Variants in OPCML observed in about 807,000 individuals in gnomAD.
The protein encoded by OPCML is opioid-binding protein/cell adhesion molecule.
OPCML carries 13 observed loss-of-function variants against 37.8 expected under a neutral mutation model. That is an observed-to-expected ratio of 0.34 (90% CI 0.22 to 0.55). The LOEUF (loss-of-function observed/expected upper bound fraction) is 0.55. OPCML is among the 20% of genes least tolerant of loss of function. The probability of loss-of-function intolerance (pLI) is 0.91; values close to 1 mark genes in which losing one functional copy is unlikely to be tolerated. For synonymous variants in OPCML, 176 were observed against 168.8 expected (o/e 1.04, Z -0.33); for missense variants, 341 against 435.6 (o/e 0.78, Z 1.93).
chr11:133,277,662 T>A (rs533037221), intron 1 of OPCML, among the ~76,000 whole-genome samples: 1 of 152,210 alleles, frequency 6.6e-6, no homozygotes, highest in South Asian at 2.1e-4. Flanking sequence ...TCCTTTCAGA[T>A]CCAGTACATG....
chr11:132,575,053 C>T (rs2096447207), intron 3 of OPCML, among the ~76,000 whole-genome samples: 1 of 151,942 alleles, frequency 6.6e-6, no homozygotes, highest in Non-Finnish European at 1.5e-5. Context: ...TCAGTGTTAT[C>T]TCATGTAAGT....
In OPCML at chr11:132,621,243, G is replaced by A. The variant is rs555733611; in HGVS notation, c.379+35844C>T. Among the ~76,000 whole-genome samples, 3 of 152,232 alleles carry A rather than the reference G, an allele frequency of 2.0e-5. No individual in the cohort carries two copies. The South Asian group carries it at 6.2e-4, about 32-fold the overall frequency. ...GCTCAACTGTGTTAGAAAACTGTCT[G>A]GTAATTTCTATTAAATCTGAACATG... On this transcript the variant is annotated intron_variant, in intron 3 of 7. Coordinates refer to ENST00000524381, the MANE Select transcript of OPCML (RefSeq NM_001012393.5).
intron 2 of OPCML, among the ~76,000 whole-genome samples, chr11:132,931,310 A>G (rs1945191842): frequency 6.6e-6 from 1 of 152,178 alleles, no homozygotes; most frequent in Admixed American, 6.5e-5. Context: ...AAAAACAAGA[A>G]AAGATAAATT....
chr11:133,026,173 C>T (rs1397461712), intron 1 of OPCML: 7 of 829,884 alleles, frequency 8.4e-6, no homozygotes, highest in Non-Finnish European at 1.0e-5. Flanking sequence ...TTTTAATAGC[C>T]TTAATCACGA....
intron 1 of OPCML, among the ~76,000 whole-genome samples, chr11:133,375,678 G>T (rs1388681470): frequency 1.3e-5 from 2 of 151,964 alleles, no homozygotes; most frequent in African/African-American, 2.4e-5. Flanking sequence ...GTCCTTATTT[G>T]AGCTGCTGCT....
chr11:132,665,153 C>T (rs147253023), intron 2 of OPCML, among the ~76,000 whole-genome samples: 17 of 152,202 alleles, frequency 1.1e-4, no homozygotes, highest in African/African-American at 3.9e-4. Context: ...CACACTAATG[C>T]CTTCAACGTG....
chr11:133,005,718 T>G, intron 1 of OPCML: 1 of 978,010 alleles, frequency 1.0e-6, no homozygotes, highest in Non-Finnish European at 1.2e-6. Context: ...TCTTATCTTT[T>G]CTGTTAATTC....
chr11:132,842,252 C>T (rs934400171), intron 2 of OPCML, among the ~76,000 whole-genome samples: 1 of 152,264 alleles, frequency 6.6e-6, no homozygotes, highest in South Asian at 2.1e-4. Flanking sequence ...TCAAGTCTTC[C>T]TCTCACGCCG....
intron 2 of OPCML, among the ~76,000 whole-genome samples, chr11:132,741,953 C>T (rs1169600598): frequency 3.3e-5 from 5 of 151,576 alleles, no homozygotes; most frequent in African/African-American, 2.4e-5. Flanking sequence ...CACTTGAACC[C>T]GGGAGGTGGA....
At chr11:133,031,901 C>T (rs1947681010) in intron 1 of OPCML, among the ~76,000 whole-genome samples, 1 of 152,140 alleles carries the variant, frequency 6.6e-6, no homozygotes, top group Non-Finnish European at 1.5e-5. Context: ...AAAAGGTTAA[C>T]ATTTATTGAG....
chr11:133,134,152 A>G (rs965622235), intron 1 of OPCML, among the ~76,000 whole-genome samples: 1 of 152,092 alleles, frequency 6.6e-6, no homozygotes, highest in Admixed American at 6.6e-5. Context: ...CTGTGGGGCC[A>G]ATAAAAAGAT....
intron 4 of OPCML, among the ~76,000 whole-genome samples, chr11:132,486,901 C>T (rs1056584917): frequency 1.3e-5 from 2 of 152,178 alleles, no homozygotes; most frequent in Non-Finnish European, 2.9e-5. Context: ...TTCTTATTTA[C>T]AACAAGCCCA....
At chr11:133,437,868 TATACTCC>T (rs1946276206) in intron 1 of OPCML, among the ~76,000 whole-genome samples, 1 of 151,946 alleles carries the variant, frequency 6.6e-6, no homozygotes, top group Non-Finnish European at 1.5e-5. Context: ...ATTTTAAACC[TATACTCC>T]ACACCCTGGC....
chr11:132,982,060 A>G (rs1946599176), intron 1 of OPCML, among the ~76,000 whole-genome samples: 1 of 152,160 alleles, frequency 6.6e-6, no homozygotes, highest in African/African-American at 2.4e-5. Context: ...CCTGGATTCT[A>G]CGGCTCGAAT....
intron 3 of OPCML, 153 bp from the exon 4 acceptor site, chr11:132,529,339 C>CA (rs2096317485): frequency 2.3e-6 from 1 of 430,490 alleles, no homozygotes; most frequent in South Asian, 9.8e-5. Flanking sequence ...AGGATATGGC[C>CA]ATATACATTT....
intron 4 of OPCML, among the ~76,000 whole-genome samples, chr11:132,483,438 C>A (rs1195767918): frequency 1.3e-5 from 2 of 152,230 alleles, no homozygotes; most frequent in Admixed American, 6.5e-5. Context: ...AATGGAAGAA[C>A]ATTCCATGCT....
intron 1 of OPCML, among the ~76,000 whole-genome samples, chr11:132,947,065 C>A (rs1945760210): frequency 6.6e-6 from 1 of 152,156 alleles, no homozygotes; most frequent in South Asian, 2.1e-4. Context: ...AGCTCTGCCA[C>A]TTGGTTGTAG....
At chr11:132,966,124 A>G (rs1023352023) in intron 1 of OPCML, among the ~76,000 whole-genome samples, 29 of 150,636 alleles carry the variant, frequency 1.9e-4, no homozygotes, top group African/African-American at 7.1e-4. Flanking sequence ...GGAAAGTTAG[A>G]TTATTGATTT....
At chr11:133,054,713 G>C (rs1389350586) in intron 1 of OPCML, among the ~76,000 whole-genome samples, 2 of 152,228 alleles carry the variant, frequency 1.3e-5, no homozygotes, top group Admixed American at 1.3e-4. Flanking sequence ...GAGTCCAACT[G>C]CCTCTTCTCA....
Sources: gnomAD v4.1 joint callset for allele counts (sites outside exome capture counted in the v4.1 genomes callset) on GRCh38, gnomAD v4.1.1 for gene constraint, MANE v1.5 for transcripts, NCBI Gene and HGNC (gene_info 2026-07-23, HGNC 2026-07-21) for gene names.